The following AGO3 variants were observed in gnomAD, a reference collection of about 807,000 sequenced individuals.
AGO3 encodes the protein argonaute RISC catalytic component 3.
In AGO3, 16 loss-of-function variants were observed where a neutral mutation model predicts 105.5. That is an observed-to-expected ratio of 0.15 (90% CI 0.10 to 0.23). The LOEUF is 0.23. Ranked by LOEUF, AGO3 falls within the 10% of genes least tolerant of loss-of-function variation. The pLI, the probability that AGO3 is intolerant of heterozygous loss-of-function variation, is 1.00. For missense variants in AGO3, 534 were observed against 1,088.0 expected, an observed-to-expected ratio of 0.49 and a Z score of 7.16; for synonymous variants, 340 against 367.3, an observed-to-expected ratio of 0.93 and a Z score of 0.85.
chr1:36,046,544 A>G (rs1384013896), intron 17 of AGO3, among the ~76,000 whole-genome samples: 1 of 141,958 alleles, frequency 7.0e-6, no homozygotes, highest in Non-Finnish European at 1.5e-5. Flanking sequence ...CTACAAAACA[A>G]ATTAGTTGGA....
intron 3 of AGO3, among the ~76,000 whole-genome samples, 164 bp downstream of exon 3, chr1:35,967,239 G>A (rs948899076): frequency 2.6e-5 from 4 of 152,028 alleles, no homozygotes; most frequent in African/African-American, 9.7e-5. Context: ...AAAAGTTGCA[G>A]GAATCATGCA....
At chr1:35,943,634 C>T (rs569144094) in intron 1 of AGO3, among the ~76,000 whole-genome samples, 87 of 138,690 alleles carry the variant, frequency 6.3e-4, no homozygotes, top group African/African-American at 2.2e-3. Context: ...AAAAGGGTCT[C>T]GCGCTATCAC....
upstream of AGO3, chr1:35,931,005 C>T: frequency 8.4e-6 from 3 of 355,704 alleles, 1 homozygote; most frequent in Non-Finnish European, 1.5e-5. Flanking sequence ...CCTGCCCCGA[C>T]GTCGCTCCGG....
At chr1:36,014,775 A>AG (rs1358627613) in intron 11 of AGO3, among the ~76,000 whole-genome samples, 1 of 151,500 alleles carries the variant, frequency 6.6e-6, no homozygotes, top group African/African-American at 2.4e-5. Flanking sequence ...TGTCTCCAAA[A>AG]AAAAAAAAAA....
chr1:36,024,960 T>C (rs992796521), intron 11 of AGO3, among the ~76,000 whole-genome samples: 1 of 152,084 alleles, frequency 6.6e-6, no homozygotes, highest in African/African-American at 2.4e-5. Context: ...CTCCTTCCTA[T>C]CTCTACCCAT....
Position 36,061,713 on chromosome 1 carries a change from A to C in AGO3, c.*5968A>C, listed in dbSNP as rs1046450053. 2 of 152,232 alleles carry C rather than the reference A, an allele frequency of 1.3e-5. No homozygotes were observed. The highest frequency in any genetic ancestry group is 4.8e-5 in the African/African-American group (2 of 41,466). 9.4% of individuals were successfully genotyped at this position (152,232 alleles called of 1,614,324 possible). A position where few individuals can be genotyped will look rare whatever the true frequency, so the allele number is the denominator to read the frequency against. On this transcript the variant is annotated 3_prime_UTR_variant, in exon 19 of 19. Coordinates refer to ENST00000373191, the MANE Select transcript of AGO3 (RefSeq NM_024852.4). ...AAAGCAAAGACGTTTGTCAGGGCGT[A>C]GACTCTTGAGTTAAATTTTTTAATC...
chr1:36,015,549 C>T (rs930556777), intron 11 of AGO3, among the ~76,000 whole-genome samples: 1 of 152,186 alleles, frequency 6.6e-6, no homozygotes, highest in African/African-American at 2.4e-5. Flanking sequence ...GACCAGACCC[C>T]ATCCTGAAGC....
At chr1:36,011,494 G>A (rs1192575892) in intron 9 of AGO3, among the ~76,000 whole-genome samples, 1 of 151,984 alleles carries the variant, frequency 6.6e-6, no homozygotes, top group African/African-American at 2.4e-5. Context: ...CTCAAAATCA[G>A]AGACTAAGAC....
intron 5 of AGO3, among the ~76,000 whole-genome samples, chr1:35,986,423 T>C (rs912478442): frequency 1.1e-4 from 16 of 152,236 alleles, no homozygotes; most frequent in Non-Finnish European, 1.8e-4. Flanking sequence ...ACATCATGGC[T>C]CATGCCTATA....
At position 36,043,192 on chromosome 1, in the gene AGO3, G is replaced by A. The variant is rs1642321516; in HGVS notation, c.2173-255G>A. ...TTTTTTTTAGTGTCTTCCACCCATAGTGGGGTCAACTATCAGCTAAGCAGT... is the reference window on the plus strand; with the variant it reads ...TTTTTTTTAGTGTCTTCCACCCATAATGGGGTCAACTATCAGCTAAGCAGT... On this transcript the variant is annotated intron_variant, in intron 16 of 18. Coordinates refer to ENST00000373191, the MANE Select transcript of AGO3 (RefSeq NM_024852.4). 3 of 381,318 alleles carry A rather than the reference G, an allele frequency of 7.9e-6. No individual in the cohort carries two copies. The East Asian group carries it at 1.3e-4, about 16-fold the overall frequency. The allele number at this position is 381,318 out of a possible 1,614,324, so 23.6% of individuals were successfully genotyped here.
intron 1 of AGO3, 131 bp downstream of exon 1, chr1:35,931,576 C>A: frequency 9.7e-7 from 1 of 1,031,248 alleles, no homozygotes; most frequent in South Asian, 3.4e-5. Context: ...TCCCGCCCCT[C>A]GCCCTGCTCC....
intron 3 of AGO3, among the ~76,000 whole-genome samples, chr1:35,967,597 A>G (rs568375151): frequency 6.6e-6 from 1 of 151,996 alleles, no homozygotes; most frequent in African/African-American, 2.4e-5. Context: ...TTGTGTTTGT[A>G]GTAGAGATGG....
At chr1:35,972,702 A>G (rs1201812956) in intron 4 of AGO3, among the ~76,000 whole-genome samples, 2 of 151,678 alleles carry the variant, frequency 1.3e-5, no homozygotes, top group East Asian at 3.9e-4. Flanking sequence ...TTTTTGAGAC[A>G]TGGTCTCACT....
At chr1:36,023,367 T>A (rs1233820473) in intron 11 of AGO3, among the ~76,000 whole-genome samples, 2 of 152,168 alleles carry the variant, frequency 1.3e-5, no homozygotes, top group African/African-American at 4.8e-5. Flanking sequence ...TCTGACACCA[T>A]CTGTTAAAAG....
At chr1:36,053,745 A>ATTTTTTTTT (rs71034711) in intron 17 of AGO3, among the ~76,000 whole-genome samples, 1 of 81,284 alleles carries the variant, frequency 1.2e-5, no homozygotes, top group African/African-American at 4.8e-5. Context: ...CACCTGGCTA[A>ATTTTTTTTT]TTTTTTTTTT....
At chr1:35,997,083 G>C (rs1639863152) in intron 5 of AGO3, among the ~76,000 whole-genome samples, 1 of 152,122 alleles carries the variant, frequency 6.6e-6, no homozygotes, top group Non-Finnish European at 1.5e-5. Flanking sequence ...TTCAAGACTA[G>C]CTTGGCCAAC....
intron 2 of AGO3, among the ~76,000 whole-genome samples, chr1:35,952,141 TTTCTTTC>T (rs1235596519): frequency 0.034 from 3,270 of 94,802 alleles, 353 homozygotes; most frequent in African/African-American, 0.18. Context: ...TCTTTCTTTC[TTTCTTTC>T]TTTTTTTTTT....
chr1:35,942,400 A>G (rs1646271814), intron 1 of AGO3, among the ~76,000 whole-genome samples: 1 of 152,152 alleles, frequency 6.6e-6, no homozygotes. Context: ...TTCTGGCATC[A>G]TAAATTGTAT....
intron 1 of AGO3, among the ~76,000 whole-genome samples, chr1:35,932,473 AGAACTTTGTT>A (rs1487644732): frequency 1.3e-5 from 2 of 152,220 alleles, no homozygotes; most frequent in Non-Finnish European, 2.9e-5. Context: ...ACGATAGCTA[AGAACTTTGTT>A]GAATAGATTA....
Sources: gnomAD v4.1 joint callset for allele counts (sites outside exome capture counted in the v4.1 genomes callset) on GRCh38, gnomAD v4.1.1 for gene constraint, MANE v1.5 for transcripts, NCBI Gene and HGNC (gene_info 2026-07-23, HGNC 2026-07-21) for gene names.